The following SNX6 variants were observed in gnomAD, a reference collection of about 807,000 sequenced individuals.
The protein encoded by SNX6 is sorting nexin-6.
SNX6 carries 34 observed loss-of-function variants against 63.0 expected under a neutral mutation model. That is an observed-to-expected ratio of 0.54 (90% CI 0.41 to 0.72). The LOEUF is 0.72. Among genes scored for constraint, SNX6 ranks in the 30% least tolerant of loss-of-function variants. The pLI, the probability that SNX6 is intolerant of heterozygous loss-of-function variation, is 0.00. For missense variants in SNX6, 398 were observed against 471.4 expected, an observed-to-expected ratio of 0.84 and a Z score of 1.44; for synonymous variants, 170 against 164.2, an observed-to-expected ratio of 1.04 and a Z score of -0.27.
chr14:34,627,474 TTTC>T (rs1216756322), intron 2 of SNX6, among the ~76,000 whole-genome samples: 1 of 149,106 alleles, frequency 6.7e-6, no homozygotes, highest in African/African-American at 2.6e-5. Context: ...AAAATTGTTT[TTTC>T]TTTTTTTTCT....
intron 11 of SNX6, among the ~76,000 whole-genome samples, chr14:34,574,395 A>G (rs1430712403): frequency 6.6e-6 from 1 of 151,156 alleles, no homozygotes; most frequent in East Asian, 2.0e-4. Flanking sequence ...ATGCCTGTTA[A>G]TTCCAGCACT....
intron 2 of SNX6, among the ~76,000 whole-genome samples, chr14:34,617,397 T>C (rs552792138): frequency 6.6e-6 from 1 of 152,064 alleles, no homozygotes; most frequent in Admixed American, 6.5e-5. Context: ...ACCAGTACGT[T>C]GGGAGGCCAA....
intron 6 of SNX6, among the ~76,000 whole-genome samples, chr14:34,602,820 C>CA: frequency 7.1e-6 from 1 of 140,490 alleles, no homozygotes; most frequent in East Asian, 2.2e-4. Context: ...ACTAAAAATA[C>CA]AAAAAATTAG....
At chr14:34,611,092 A>G (rs1883209370) in intron 2 of SNX6, among the ~76,000 whole-genome samples, 1 of 152,092 alleles carries the variant, frequency 6.6e-6, no homozygotes, top group South Asian at 2.1e-4. Flanking sequence ...TCCCAGGTTC[A>G]AGTGATTCTC....
Position 34,563,035 on chromosome 14 carries a change from G to A in SNX6, c.*87C>T. On this transcript the variant is annotated 3_prime_UTR_variant, in exon 14 of 14. Transcript: ENST00000362031. ...TTCAGCTGCTTTTTGTTTGTTTCCA[G>A]TGAGCATAAATGCTTAACATCATTA... The A allele has an allele frequency of 2.3e-6, 3 of 1,329,252 alleles. No individual in the cohort carries two copies. In the East Asian group the frequency reaches 6.9e-5, roughly 31 times the overall value. The allele number at this position is 1,329,252 out of a possible 1,614,324, so 82.3% of individuals were successfully genotyped here. A position where few individuals can be genotyped will look rare whatever the true frequency, so the allele number is the denominator to read the frequency against.
intron 10 of SNX6, among the ~76,000 whole-genome samples, chr14:34,577,185 C>T (rs1460326220): frequency 3.3e-5 from 5 of 151,870 alleles, no homozygotes; most frequent in Admixed American, 6.6e-5. Context: ...TGGGTTCAAG[C>T]GATTCTCCTG....
Position 34,603,361 on chromosome 14 carries a change from T to G in SNX6, c.503A>C (p.Glu168Ala), listed in dbSNP as rs1008053074. Residue 168 changes from glutamate (E) to alanine (A), a missense_variant, in exon 6 of 14, where the codon GAA (glutamate) becomes GCA (alanine). Physicochemically the swap from Glu to Ala is moderately radical, Grantham distance 107. Coordinates refer to ENST00000362031, the MANE Select transcript of SNX6 (RefSeq NM_152233.4). ...RRDLNFHVFL[E>A]YNQDLSVRGK... Reference sequence around the variant, plus strand: ...TGTGATACTCACATCTTGATTATATTCCAAGAAGACATGGAAATTTAAATC... The same window carrying G: ...TGTGATACTCACATCTTGATTATATGCCAAGAAGACATGGAAATTTAAATC... The G allele has an allele frequency of 1.7e-5, 28 of 1,609,800 alleles. No homozygotes were observed. Among genetic ancestry groups the G allele is most frequent in the Non-Finnish European group, 2.4e-5 (28 of 1,178,458 alleles).
At chr14:34,578,621 T>G (rs1289430226) in intron 10 of SNX6, among the ~76,000 whole-genome samples, 1 of 117,276 alleles carries the variant, frequency 8.5e-6, no homozygotes, top group African/African-American at 3.3e-5. Flanking sequence ...CAGAGTGAGA[T>G]CTGTCTCAAA....
chr14:34,620,758 T>G (rs949870152), intron 2 of SNX6, among the ~76,000 whole-genome samples: 1 of 151,888 alleles, frequency 6.6e-6, no homozygotes, highest in African/African-American at 2.4e-5. Flanking sequence ...CTGGGCAACA[T>G]AGCGAAACCC....
rs940632551 is a variant in SNX6 at position 34,626,468 on chromosome 14, C to T, written c.54+3439G>A. Among the ~76,000 whole-genome samples, 5 of 145,636 alleles carry T rather than the reference C, an allele frequency of 3.4e-5. No individual in the cohort carries two copies. In the East Asian group the frequency reaches 7.9e-4, roughly 23 times the overall value. ...AGGAGATCTAGACCATCCTGGCTAACAAGGTGAAACCCCGCCTCTACTAAA... is the reference window on the plus strand; with the variant it reads ...AGGAGATCTAGACCATCCTGGCTAATAAGGTGAAACCCCGCCTCTACTAAA... On this transcript the variant is annotated intron_variant, in intron 2 of 13. Coordinates refer to ENST00000362031, the MANE Select transcript of SNX6 (RefSeq NM_152233.4).
intron 7 of SNX6, among the ~76,000 whole-genome samples, chr14:34,595,296 C>T (rs142766257): frequency 0.03 from 4,591 of 152,048 alleles, 200 homozygotes; most frequent in African/African-American, 0.099. Context: ...TGCCACCATG[C>T]CTGGCTAATT....
intron 2 of SNX6, chr14:34,629,326 A>C (rs1386818918): frequency 2.9e-6 from 1 of 349,440 alleles, no homozygotes; most frequent in African/African-American, 2.1e-5. Flanking sequence ...TGCCAAAGAC[A>C]GGATTTGTTG....
At chr14:34,599,301 T>C (rs1355261014) in intron 6 of SNX6, among the ~76,000 whole-genome samples, 1 of 152,166 alleles carries the variant, frequency 6.6e-6, no homozygotes, top group Non-Finnish European at 1.5e-5. Flanking sequence ...TCTAACACAG[T>C]GCTCATTATA....
intron 4 of SNX6, among the ~76,000 whole-genome samples, chr14:34,605,926 C>T (rs1365718118): frequency 1.3e-5 from 2 of 152,056 alleles, no homozygotes; most frequent in Admixed American, 6.6e-5. Context: ...GTAATCCCAG[C>T]ACTTTGGGAG....
chr14:34,612,911 C>T (rs567348492), intron 2 of SNX6, among the ~76,000 whole-genome samples: 4 of 151,620 alleles, frequency 2.6e-5, no homozygotes, highest in African/African-American at 4.8e-5. Context: ...TAGCTGGGTG[C>T]GGTGGTGCAT....
intron 2 of SNX6, among the ~76,000 whole-genome samples, chr14:34,614,424 G>A: frequency 6.6e-6 from 1 of 150,608 alleles, no homozygotes; most frequent in Non-Finnish European, 1.5e-5. Context: ...GTGACAAAGT[G>A]AGACCCTGTC....
chr14:34,562,441 C>T lies in SNX6; in HGVS notation c.*681G>A, dbSNP rs1880969371. ...AGGAGTAGATTTATTACAGCTACTCCACATTTTCCAGAGTGATACAATGAC... is the reference window on the plus strand; with the variant it reads ...AGGAGTAGATTTATTACAGCTACTCTACATTTTCCAGAGTGATACAATGAC... On this transcript the variant is annotated 3_prime_UTR_variant, in exon 14 of 14. Coordinates refer to ENST00000362031, the MANE Select transcript of SNX6 (RefSeq NM_152233.4). 6.5e-6 allele frequency: 1 copy of T among 152,698 alleles called. No homozygotes were observed. The highest frequency in any genetic ancestry group is 3.4e-3 in the Middle Eastern group (1 of 294). 9.5% of individuals were successfully genotyped at this position (152,698 alleles called of 1,614,324 possible).
chr14:34,579,484 T>C (rs1181138763), intron 10 of SNX6, among the ~76,000 whole-genome samples: 2 of 151,954 alleles, frequency 1.3e-5, no homozygotes, highest in Non-Finnish European at 2.9e-5. Flanking sequence ...AACACACATC[T>C]GTAGTCCTAA....
rs548360640 is a variant in SNX6 at position 34,574,836 on chromosome 14, G to A, written c.921+920C>T. Among the ~76,000 whole-genome samples, 3 of 151,544 alleles carry A rather than the reference G, an allele frequency of 2.0e-5. No individual in the cohort carries two copies. The South Asian group carries it at 6.3e-4, about 32-fold the overall frequency. ...GCCTCCCAAAGTGCTGGGATTACAG[G>A]CGTAAGCCACTGCGCCCGGCCAGCT... On this transcript the variant is annotated intron_variant, in intron 11 of 13. Transcript: ENST00000362031.
Sources: gnomAD v4.1 joint callset for allele counts (sites outside exome capture counted in the v4.1 genomes callset) on GRCh38, gnomAD v4.1.1 for gene constraint, MANE v1.5 for transcripts, NCBI Gene and HGNC (gene_info 2026-07-23, HGNC 2026-07-21) for gene names.